The following BRAF variants were observed in gnomAD, a reference collection of about 807,000 sequenced individuals.
BRAF encodes serine/threonine-protein kinase B-raf.
BRAF carries 16 observed loss-of-function variants against 104.6 expected under a neutral mutation model. The observed-to-expected ratio is 0.15, with a 90% CI of 0.10 to 0.23. The LOEUF is 0.23. Ranked by LOEUF, BRAF falls within the 10% of genes least tolerant of loss-of-function variation. The pLI, the probability that BRAF is intolerant of heterozygous loss-of-function variation, is 1.00. For missense variants in BRAF, 541 were observed against 937.3 expected, an observed-to-expected ratio of 0.58 and a Z score of 5.52; for synonymous variants, 310 against 341.6, an observed-to-expected ratio of 0.91 and a Z score of 1.02.
chr7:140,748,329 G>A (rs1404118971), intron 17 of BRAF, among the ~76,000 whole-genome samples: 1 of 151,980 alleles, frequency 6.6e-6, no homozygotes, highest in Admixed American at 6.6e-5. Context: ...AGCCTGCACT[G>A]TTTTTAAAAA....
At chr7:140,838,714 C>T (rs558812303) in intron 2 of BRAF, among the ~76,000 whole-genome samples, 52 of 152,110 alleles carry the variant, frequency 3.4e-4, no homozygotes, top group Non-Finnish European at 3.2e-4. Context: ...CAAAACTTAA[C>T]TATAAAACTA....
intron 9 of BRAF, among the ~76,000 whole-genome samples, chr7:140,787,249 C>CGAGATCGCGCCACTGCACTCCAACCTGGG (rs1801467965): frequency 1.4e-5 from 2 of 140,244 alleles, no homozygotes; most frequent in Non-Finnish European, 3.0e-5. Context: ...TGCAGTGAGC[C>CGAGATCGCGCCACTGCACTCCAACCTGGG]GAGATCGCGC....
At chr7:140,813,334 G>C (rs1290235153) in intron 3 of BRAF, among the ~76,000 whole-genome samples, 1 of 151,996 alleles carries the variant, frequency 6.6e-6, no homozygotes, top group African/African-American at 2.4e-5. Flanking sequence ...CCAAACTAGT[G>C]AAGTTATTTT....
In BRAF at chr7:140,781,586, T is replaced by G. The variant is rs929545250; in HGVS notation, c.1542A>C (p.Gly514=). 3.7e-6 allele frequency: 6 copies of G among 1,613,488 alleles called. No homozygotes were observed. The African/African-American group carries it at 6.7e-5, about 18-fold the overall frequency. Residue 514 remains glycine (G), a synonymous_variant, in exon 12 of 20, where the codon GGA becomes GGC. Transcript: ENST00000644969. Reference sequence around the variant, plus strand: ...ACATTACATACTTACCATGCCACTTTCCCTTGTAGACTGTTCCAAATGATC... The same window carrying G: ...ACATTACATACTTACCATGCCACTTGCCCTTGTAGACTGTTCCAAATGATC... ...GSGSFGTVYK[G]KWHGDVAVKM...
At chr7:140,861,219 T>C (rs1162424918) in intron 1 of BRAF, among the ~76,000 whole-genome samples, 1 of 152,044 alleles carries the variant, frequency 6.6e-6, no homozygotes, top group Non-Finnish European at 1.5e-5. Context: ...AGAAAAGGGG[T>C]TGTCATTTAC....
chr7:140,747,331 T>C (rs1050039534), intron 17 of BRAF: 66 of 1,163,616 alleles, frequency 5.7e-5, no homozygotes, highest in Non-Finnish European at 7.1e-5. Flanking sequence ...GTTCTAACTA[T>C]ACTATTAGAA....
intron 1 of BRAF, among the ~76,000 whole-genome samples, chr7:140,858,489 T>A (rs543987083): frequency 6.6e-6 from 1 of 152,342 alleles, no homozygotes; most frequent in South Asian, 2.1e-4. Flanking sequence ...CTAAGACAAC[T>A]GTCCTGGATT....
At chr7:140,865,300 G>C (rs949797273) in intron 1 of BRAF, among the ~76,000 whole-genome samples, 1 of 152,046 alleles carries the variant, frequency 6.6e-6, no homozygotes, top group Non-Finnish European at 1.5e-5. Flanking sequence ...GCCTGGTCTT[G>C]AACTCCTGGC....
At chr7:140,824,686 G>A (rs1562978997) in intron 3 of BRAF, among the ~76,000 whole-genome samples, 1 of 150,160 alleles carries the variant, frequency 6.7e-6, no homozygotes, top group Non-Finnish European at 1.5e-5. Flanking sequence ...ATTTTGAAAA[G>A]GTTTCATTAA....
intron 1 of BRAF, among the ~76,000 whole-genome samples, chr7:140,893,245 T>C (rs552706028): frequency 6.6e-6 from 1 of 150,424 alleles, no homozygotes; most frequent in Non-Finnish European, 1.5e-5. Context: ...CTGTTCCCCA[T>C]AACATTCTTT....
At chr7:140,838,324 T>A (rs573689600) in intron 2 of BRAF, among the ~76,000 whole-genome samples, 1 of 152,270 alleles carries the variant, frequency 6.6e-6, no homozygotes, top group South Asian at 2.1e-4. Context: ...TTAAATGAGA[T>A]AACACAAGTA....
At chr7:140,867,977 T>C (rs566151062) in intron 1 of BRAF, among the ~76,000 whole-genome samples, 1 of 152,312 alleles carries the variant, frequency 6.6e-6, no homozygotes, top group South Asian at 2.1e-4. Context: ...TGTCCTCTTG[T>C]ACAATTGAAC....
Position 140,865,387 on chromosome 7 carries a change from G to T in BRAF, c.139-15175C>A, listed in dbSNP as rs556907921. ...GAGCCACTGCGCCCAGCCAGCAAAC[G>T]CATTTTTAATTGGGAAAGTGAAGAA... On this transcript the variant is annotated intron_variant, in intron 1 of 19. Coordinates refer to ENST00000644969, the MANE Select transcript of BRAF (RefSeq NM_001374258.1). Among the ~76,000 whole-genome samples the T allele has an allele frequency of 3.5e-4, 54 of 152,178 alleles. 1 individual carries two copies. The highest frequency in any genetic ancestry group is 1.2e-3 in the African/African-American group (50 of 41,512).
chr7:140,810,255 G>C (rs1313251063), intron 3 of BRAF, among the ~76,000 whole-genome samples: 2 of 151,770 alleles, frequency 1.3e-5, no homozygotes, highest in Admixed American at 1.3e-4. Flanking sequence ...AGGACGCAGA[G>C]GGTAGTGCAA....
chr7:140,747,404 C>T, intron 17 of BRAF: 10 of 1,287,980 alleles, frequency 7.8e-6, no homozygotes, highest in Non-Finnish European at 1.0e-5. Context: ...GGAGAGTAAG[C>T]CCTTGCCACA....
chr7:140,772,192 T>C (rs1278704065), intron 14 of BRAF, among the ~76,000 whole-genome samples: 2 of 152,118 alleles, frequency 1.3e-5, no homozygotes, highest in Non-Finnish European at 2.9e-5. Flanking sequence ...CAGTTAGGAT[T>C]TGAAGAACCA....
Position 140,723,271 on chromosome 7 carries a change from A to G in BRAF, c.*3223T>C, listed in dbSNP as rs1795411881. Reference sequence around the variant, plus strand: ...TGATGAAAGTGCTGTCACCGCACCAAACCAGAAGCTAGGAAATATTTACAA... The same window carrying G: ...TGATGAAAGTGCTGTCACCGCACCAGACCAGAAGCTAGGAAATATTTACAA... On this transcript the variant is annotated 3_prime_UTR_variant, in exon 20 of 20. Transcript: ENST00000644969. The G allele has an allele frequency of 2.8e-6, 3 of 1,056,680 alleles. No individual in the cohort carries two copies. In the Admixed American group the frequency reaches 1.6e-4, roughly 57 times the overall value. 65.5% of individuals were successfully genotyped at this position (1,056,680 alleles called of 1,614,324 possible).
Position 140,849,036 on chromosome 7 carries a change from G to C in BRAF, c.240+1075C>G, listed in dbSNP as rs563351583. ...TGTGCTTAAAAATCTCTGGTATTTGGAGCCAAATGGCAACCTGATCATTTC... is the reference window on the plus strand; with the variant it reads ...TGTGCTTAAAAATCTCTGGTATTTGCAGCCAAATGGCAACCTGATCATTTC... On this transcript the variant is annotated intron_variant, in intron 2 of 19. Transcript: ENST00000644969. 3.3e-5 allele frequency among the ~76,000 whole-genome samples: 5 copies of C among 152,162 alleles called. No homozygotes were observed. In the South Asian group the frequency reaches 8.3e-4, roughly 25 times the overall value.
rs1424711183 is a variant in BRAF at position 140,924,749 on chromosome 7, A to AGGGGGAAGGGAGGCGGAGAGCT, written c.-68_-47dup. ...CCCGAGCGGCCGCTGTCGGGCGGGG[A>AGGGGGAAGGGAGGCGGAGAGCT]GGGGGAAGGGAGGCGGAGAGCTGGG... On this transcript the variant is annotated 5_prime_UTR_variant, in exon 1 of 20. Coordinates refer to ENST00000644969, the MANE Select transcript of BRAF (RefSeq NM_001374258.1). The surrounding 1 kb of genome is among the most constrained non-coding windows in gnomAD (Gnocchi z 4.2). 4.3e-6 allele frequency: 3 copies of AGGGGGAAGGGAGGCGGAGAGCT among 690,758 alleles called. No homozygotes were observed. In the African/African-American group the frequency reaches 5.8e-5, roughly 13 times the overall value. 42.8% of individuals were successfully genotyped at this position (690,758 alleles called of 1,614,324 possible). A position where few individuals can be genotyped will look rare whatever the true frequency, so the allele number is the denominator to read the frequency against.
Sources: gnomAD v4.1 joint callset for allele counts (sites outside exome capture counted in the v4.1 genomes callset) on GRCh38, gnomAD v4.1.1 for gene constraint, Gnocchi (gnomAD v3.1) non-coding constraint, MANE v1.5 for transcripts, NCBI Gene and HGNC (gene_info 2026-07-23, HGNC 2026-07-21) for gene names.